Variants in LY75 observed in about 807,000 individuals in gnomAD.
The protein encoded by LY75 is lymphocyte antigen 75, also known as C-type lectin domain family 13 member B.
LY75 carries 185 observed loss-of-function variants against 231.7 expected under a neutral mutation model. The observed-to-expected ratio is 0.80, with a 90% CI of 0.71 to 0.90. The LOEUF (loss-of-function observed/expected upper bound fraction) is 0.90, where lower values mean the gene tolerates loss of function less well. LY75 is among the 40% of genes least tolerant of loss of function. The pLI, the probability that LY75 is intolerant of heterozygous loss-of-function variation, is 0.00. For missense variants in LY75, 1,947 were observed against 2,050.2 expected, an observed-to-expected ratio of 0.95 and a Z score of 0.97; for synonymous variants, 668 against 689.0, an observed-to-expected ratio of 0.97 and a Z score of 0.48.
Position 159,875,663 on chromosome 2 carries a change from C to G in LY75, c.1775-20G>C, listed in dbSNP as rs1560095094. On this transcript the variant is annotated intron_variant, in intron 11 of 34. Transcript: ENST00000263636. ...GGGAAGCTGGGATTGAAGTGGAAAG[C>G]TCAATTAAAAATTAAAACGTTAAAG... is the stretch of plus-strand genomic sequence containing the variant. 2 of 1,610,858 alleles carry G rather than the reference C, an allele frequency of 1.2e-6. No homozygotes were observed. The highest frequency in any genetic ancestry group is 1.7e-6 in the Non-Finnish European group (2 of 1,179,082).
Position 159,898,839 on chromosome 2 carries a change from C to CATGGCACTG in LY75, c.306_314dup (p.Ala104_Met105insIleSerAla), listed in dbSNP as rs1164667396. ...AGTGGTGCTCACATTTCCACCACAG[C>CATGGCACTG]ATGGCACTGGAGTCACAGCTGAACA... On this transcript the variant is annotated inframe_insertion, in exon 2 of 35. Coordinates refer to ENST00000263636, the MANE Select transcript of LY75 (RefSeq NM_002349.4). 1 of 1,614,218 alleles carries CATGGCACTG rather than the reference C, an allele frequency of 6.2e-7. No individual in the cohort carries two copies. Among genetic ancestry groups the CATGGCACTG allele is most frequent in the Admixed American group, 1.7e-5 (1 of 60,026 alleles).
intron 23 of LY75, among the ~76,000 whole-genome samples, chr2:159,847,732 C>T (rs2125851702): frequency 6.6e-6 from 1 of 152,214 alleles, no homozygotes; most frequent in South Asian, 2.1e-4. Context: ...AGGACAATCA[C>T]AATATGCTGT....
In LY75 at chr2:159,875,525, C is replaced by G. The variant is rs372853515; in HGVS notation, c.1893G>C (p.Gly631=). The change falls in exon 12 of 35, where the codon GGG becomes GGC. Residue 631 remains glycine (G), a synonymous_variant. Coordinates refer to ENST00000263636, the MANE Select transcript of LY75 (RefSeq NM_002349.4). ...CAGGCTTAGGGGATGCTTCTTCAGG[C>G]CCAAGGGGTCCACTCATTTTCTTGC... ...SICKKMSGPL[G]PEEASPKPDD... is the part of the protein sequence containing the mutation. The G allele has an allele frequency of 1.9e-5, 30 of 1,613,948 alleles. No individual in the cohort carries two copies. The highest frequency in any genetic ancestry group is 3.3e-4 in the Middle Eastern group (2 of 6,084).
intron 13 of LY75, among the ~76,000 whole-genome samples, chr2:159,870,883 G>A (rs145983412): frequency 1.1e-3 from 160 of 152,006 alleles, no homozygotes; most frequent in African/African-American, 3.6e-3. Flanking sequence ...CCTTTTTGCA[G>A]TCTAGTTTTA....
intron 1 of LY75, among the ~76,000 whole-genome samples, chr2:159,902,136 T>C (rs1275857903): frequency 6.6e-6 from 1 of 152,220 alleles, no homozygotes; most frequent in African/African-American, 2.4e-5. Flanking sequence ...ACTTATTTTA[T>C]AAAATAGATT....
At chr2:159,819,100 C>T (rs894035484) in intron 29 of LY75, among the ~76,000 whole-genome samples, 10 of 152,142 alleles carry the variant, frequency 6.6e-5, no homozygotes, top group Non-Finnish European at 1.3e-4. Flanking sequence ...GTGACTGCGG[C>T]GCTGTAAGTG....
chr2:159,835,784 A>AT, intron 25 of LY75, 139 bp from the exon 26 acceptor site: 1 of 1,119,284 alleles, frequency 8.9e-7, no homozygotes, highest in Non-Finnish European at 1.2e-6. Context: ...CTACATAACA[A>AT]GCATTGTTCT....
intron 28 of LY75, among the ~76,000 whole-genome samples, chr2:159,828,099 G>T (rs752402791): frequency 8.0e-5 from 12 of 150,288 alleles, no homozygotes; most frequent in Admixed American, 4.0e-4. Flanking sequence ...AGAACTTAAA[G>T]TACAATAAAA....
chr2:159,814,709 G>A (rs1463676548), intron 31 of LY75, among the ~76,000 whole-genome samples: 1 of 149,650 alleles, frequency 6.7e-6, no homozygotes, highest in Non-Finnish European at 1.5e-5. Flanking sequence ...AGAAAAGAAA[G>A]GAAAAGAAAA....
rs770632722 is a variant in LY75, at chr2:159,898,991, C to G, written c.163G>C (p.Val55Leu). ...KCIKPVYGWI[V>L]ADDCDETEDK... ...TCAGTTTCATCACAGTCGTCTGCTA[C>G]TATCCAGCCATACACTGGCTTGATG... is the stretch of plus-strand genomic sequence containing the variant. The change falls in exon 2 of 35, where the codon GTA becomes CTA. Residue 55 changes from valine (V) to leucine (L), a missense_variant. By Grantham distance (32) the Val-to-Leu change is conservative (BLOSUM62 1). Coordinates refer to ENST00000263636, the MANE Select transcript of LY75 (RefSeq NM_002349.4). 6.2e-7 allele frequency: 1 copy of G among 1,614,140 alleles called. No homozygotes were observed. Among genetic ancestry groups the G allele is most frequent in the African/African-American group, 1.3e-5 (1 of 74,948 alleles).
chr2:159,845,895 T>C (rs934100939), intron 23 of LY75, among the ~76,000 whole-genome samples: 3 of 151,774 alleles, frequency 2.0e-5, no homozygotes, highest in Admixed American at 1.3e-4. Context: ...CATACACATA[T>C]ATATGCATAC....
At chr2:159,874,625 T>G (rs1177007638) in intron 12 of LY75, among the ~76,000 whole-genome samples, 1 of 4,918 alleles carries the variant, frequency 2.0e-4, no homozygotes, top group Non-Finnish European at 5.9e-4. Context: ...AATATATATA[T>G]AGTAAATATA....
At chr2:159,897,701 G>A (rs1685943785) in intron 2 of LY75, among the ~76,000 whole-genome samples, 1 of 152,178 alleles carries the variant, frequency 6.6e-6, no homozygotes, top group African/African-American at 2.4e-5. Flanking sequence ...AATTTGTAAA[G>A]AAAGGCAAGG....
chr2:159,842,740 T>A (rs1405339114), intron 23 of LY75, among the ~76,000 whole-genome samples: 3 of 152,128 alleles, frequency 2.0e-5, no homozygotes, highest in Non-Finnish European at 4.4e-5. Flanking sequence ...GTGTACCACA[T>A]AACAGAATAT....
In LY75 at chr2:159,883,004, C is replaced by T. The variant is rs112866678; in HGVS notation, c.1055-689G>A. Among the ~76,000 whole-genome samples, 811 of 151,654 alleles carry T rather than the reference C, an allele frequency of 5.3e-3. 10 individuals carry two copies. The highest frequency in any genetic ancestry group is 0.019 in the African/African-American group (786 of 41,320). ...AAAAAAAGAATGAAGTATGAAACCC[C>T]ACAGAATACTTCTATCCCCGTTAAC... On this transcript the variant is annotated intron_variant, in intron 6 of 34. Transcript: ENST00000263636.
chr2:159,891,049 A>T (rs1685740126), intron 3 of LY75, among the ~76,000 whole-genome samples: 1 of 152,218 alleles, frequency 6.6e-6, no homozygotes, highest in Admixed American at 6.5e-5. Context: ...TAAAAATTTC[A>T]AAACAACTGG....
At chr2:159,849,850 T>C in intron 23 of LY75, 130 bp downstream of exon 23, 1 of 1,215,570 alleles carries the variant, frequency 8.2e-7, no homozygotes, top group Non-Finnish European at 1.1e-6. Flanking sequence ...CTTACTATCT[T>C]AGATGTGCCT....
chr2:159,838,416 G>A (rs1287205005), intron 25 of LY75, among the ~76,000 whole-genome samples: 1 of 152,130 alleles, frequency 6.6e-6, no homozygotes, highest in East Asian at 1.9e-4. Context: ...TTACAAAATA[G>A]TCTGATTCCA....
At chr2:159,834,300 A>T in intron 26 of LY75, 89 bp from the exon 27 acceptor site, 1 of 1,535,300 alleles carries the variant, frequency 6.5e-7, no homozygotes, top group Non-Finnish European at 8.8e-7. Flanking sequence ...TGTAGGAAAT[A>T]TTCAGGAAGC....
Sources: gnomAD v4.1 joint callset for allele counts (sites outside exome capture counted in the v4.1 genomes callset) on GRCh38, gnomAD v4.1.1 for gene constraint, MANE v1.5 for transcripts, NCBI Gene and HGNC (gene_info 2026-07-23, HGNC 2026-07-21) for gene names.